Variants in KCTD16 observed in about 807,000 individuals in gnomAD.
KCTD16 encodes BTB/POZ domain-containing protein KCTD16.
KCTD16 carries 13 observed loss-of-function variants against 33.2 expected under a neutral mutation model. The ratio of observed to expected loss-of-function variants is 0.39; its 90% confidence interval spans 0.25 to 0.62. The LOEUF (loss-of-function observed/expected upper bound fraction) is 0.62. KCTD16 is among the 20% of genes least tolerant of loss of function. The pLI, the probability that KCTD16 is intolerant of heterozygous loss-of-function variation, is 0.50. For missense variants in KCTD16, 441 were observed against 525.1 expected, an observed-to-expected ratio of 0.84 and a Z score of 1.57; for synonymous variants, 197 against 195.3, an observed-to-expected ratio of 1.01 and a Z score of -0.07.
intron 3 of KCTD16, among the ~76,000 whole-genome samples, chr5:144,208,312 A>G (rs1412802379): frequency 6.6e-6 from 1 of 152,244 alleles, no homozygotes; most frequent in Non-Finnish European, 1.5e-5. Context: ...GAAATGAAAC[A>G]ATGATACTGA....
intron 3 of KCTD16, among the ~76,000 whole-genome samples, chr5:144,319,228 G>T (rs1752010198): frequency 6.6e-6 from 1 of 152,030 alleles, no homozygotes; most frequent in Non-Finnish European, 1.5e-5. Context: ...ACTTTTAGTA[G>T]TCAGAATCCA....
chr5:144,238,421 G>A lies in KCTD16; in HGVS notation c.832+30875G>A, dbSNP rs537477573. Among the ~76,000 whole-genome samples, 185 of 152,212 alleles carry A rather than the reference G, an allele frequency of 1.2e-3. 1 individual carries two copies. Among genetic ancestry groups the A allele is most frequent in the African/African-American group, 4.1e-3 (170 of 41,544 alleles). ...GAGCTCATTTGCCTTTCATTTAGGA[G>A]TATTAGATCCCTTTAGTTTGGTAAC... is the stretch of plus-strand genomic sequence containing the variant. On this transcript the variant is annotated intron_variant, in intron 3 of 3. Transcript: ENST00000512467.
intron 3 of KCTD16, among the ~76,000 whole-genome samples, chr5:144,419,367 C>G (rs1299083303): frequency 6.6e-6 from 1 of 152,124 alleles, no homozygotes; most frequent in Non-Finnish European, 1.5e-5. Flanking sequence ...ATGACCAAAA[C>G]AAAAATGCAT....
At chr5:144,429,024 A>G (rs1345009187) in intron 3 of KCTD16, among the ~76,000 whole-genome samples, 4 of 152,166 alleles carry the variant, frequency 2.6e-5, no homozygotes, top group East Asian at 1.9e-4. Context: ...GATACCTTGC[A>G]TGAACATATC....
intron 3 of KCTD16, among the ~76,000 whole-genome samples, chr5:144,208,670 T>C (rs993023241): frequency 3.3e-5 from 5 of 152,254 alleles, no homozygotes; most frequent in Non-Finnish European, 5.9e-5. Flanking sequence ...CTGGTTTTTT[T>C]CCTTAGTTAT....
intron 3 of KCTD16, among the ~76,000 whole-genome samples, chr5:144,236,197 A>C (rs2126817025): frequency 1.3e-5 from 2 of 152,304 alleles, no homozygotes; most frequent in Middle Eastern, 6.8e-3. Context: ...ATTATCAGAT[A>C]ATAAGTGCTA....
At chr5:144,218,001 A>C (rs1355062804) in intron 3 of KCTD16, among the ~76,000 whole-genome samples, 2 of 152,184 alleles carry the variant, frequency 1.3e-5, no homozygotes, top group Admixed American at 6.5e-5. Flanking sequence ...TGAGTAAATA[A>C]CAGGCACCCT....
chr5:144,203,920 T>A (rs764194620), intron 2 of KCTD16, among the ~76,000 whole-genome samples: 1 of 152,192 alleles, frequency 6.6e-6, no homozygotes, highest in Admixed American at 6.5e-5. Context: ...CACTGATAGC[T>A]TAGGGCACTA....
chr5:144,398,948 T>G (rs1056528280), intron 3 of KCTD16, among the ~76,000 whole-genome samples: 26 of 152,178 alleles, frequency 1.7e-4, no homozygotes, highest in Non-Finnish European at 3.2e-4. Flanking sequence ...AGGTTAAATA[T>G]GGGATTCTCA....
chr5:144,371,765 T>C (rs1025572771), intron 3 of KCTD16, among the ~76,000 whole-genome samples: 1 of 151,948 alleles, frequency 6.6e-6, no homozygotes, highest in Admixed American at 6.6e-5. Flanking sequence ...ATCTAAGAAA[T>C]ACTTGATCAA....
intron 3 of KCTD16, among the ~76,000 whole-genome samples, chr5:144,366,002 GGGA>G (rs1288517352): frequency 6.6e-6 from 1 of 152,116 alleles, no homozygotes. Context: ...GTTTGCCCTT[GGGA>G]GGAGATCATG....
At chr5:144,270,261 A>G (rs1755256644) in intron 3 of KCTD16, among the ~76,000 whole-genome samples, 1 of 151,952 alleles carries the variant, frequency 6.6e-6, no homozygotes, top group African/African-American at 2.4e-5. Flanking sequence ...GGGACGTGGG[A>G]CATTTTTCTG....
chr5:144,239,371 G>C (rs1056540198), intron 3 of KCTD16, among the ~76,000 whole-genome samples: 18 of 152,162 alleles, frequency 1.2e-4, no homozygotes, highest in Non-Finnish European at 2.5e-4. Flanking sequence ...TGAAATCCCT[G>C]AAAGGCTTTA....
intron 3 of KCTD16, among the ~76,000 whole-genome samples, chr5:144,359,784 A>T (rs143276084): frequency 7.2e-5 from 11 of 151,814 alleles, no homozygotes; most frequent in Admixed American, 2.0e-4. Flanking sequence ...AGCTAAAAAA[A>T]CCCTGATATA....
Position 144,481,638 on chromosome 5 carries a change from C to A in KCTD16, c.*7524C>A, listed in dbSNP as rs537557929. ...CATTTTATACAAGGGAAACTAAGGA[C>A]CCAGAAAGTTTAAATCGGTCATTTA... On this transcript the variant is annotated 3_prime_UTR_variant, in exon 4 of 4. Coordinates refer to ENST00000512467, the MANE Select transcript of KCTD16 (RefSeq NM_020768.4). The A allele has an allele frequency of 1.4e-3, 219 of 151,930 alleles. 2 individuals are homozygous for A. The highest frequency in any genetic ancestry group is 4.9e-3 in the African/African-American group (202 of 41,466). 9.4% of individuals were successfully genotyped at this position (151,930 alleles called of 1,614,324 possible).
chr5:144,327,198 C>G (rs944123291), intron 3 of KCTD16, among the ~76,000 whole-genome samples: 1 of 152,072 alleles, frequency 6.6e-6, no homozygotes, highest in South Asian at 2.1e-4. Flanking sequence ...ATATTGGTGG[C>G]CTGCAGCTAA....
At chr5:144,442,123 C>G (rs1753725078) in intron 3 of KCTD16, among the ~76,000 whole-genome samples, 1 of 151,824 alleles carries the variant, frequency 6.6e-6, no homozygotes, top group Non-Finnish European at 1.5e-5. Flanking sequence ...TACAAAATAC[C>G]CCTCTTCATT....
chr5:144,465,453 A>G (rs1264393409), intron 3 of KCTD16, among the ~76,000 whole-genome samples: 1 of 151,886 alleles, frequency 6.6e-6, no homozygotes, highest in African/African-American at 2.4e-5. Context: ...TGTATACCTG[A>G]CACCCTTTCT....
intron 3 of KCTD16, among the ~76,000 whole-genome samples, chr5:144,239,863 A>G (rs759918454): frequency 9.2e-5 from 14 of 152,174 alleles, no homozygotes; most frequent in Non-Finnish European, 1.9e-4. Flanking sequence ...AGGATAAATA[A>G]GATTTGGAAA....
Sources: gnomAD v4.1 joint callset for allele counts (sites outside exome capture counted in the v4.1 genomes callset) on GRCh38, gnomAD v4.1.1 for gene constraint, MANE v1.5 for transcripts, NCBI Gene and HGNC (gene_info 2026-07-23, HGNC 2026-07-21) for gene names.